Variants in PBX4 observed in about 807,000 individuals in gnomAD.
The protein encoded by PBX4 is PBX homeobox 4, also known as pre-B-cell leukemia transcription factor 4.
Under a neutral mutation model 35.1 loss-of-function variants are expected in PBX4, and 26 were observed. The ratio of observed to expected loss-of-function variants is 0.74; its 90% CI spans 0.54 to 1.03. PBX4 has a LOEUF of 1.03. Ranked by LOEUF, PBX4 falls within the 50% of genes least tolerant of loss-of-function variation. The pLI is 0.00. For missense variants in PBX4, 448 were observed against 504.3 expected, an observed-to-expected ratio of 0.89 and a Z score of 1.07; for synonymous variants, 199 against 204.2, an observed-to-expected ratio of 0.97 and a Z score of 0.22.
intron 6 of PBX4, among the ~76,000 whole-genome samples, chr19:19,564,094 A>G: frequency 6.8e-6 from 1 of 148,038 alleles, no homozygotes; most frequent in African/African-American, 2.5e-5. Context: ...TGCACCCACT[A>G]ACTCGTCATC....
At chr19:19,577,190 A>G (rs1466776823) in intron 2 of PBX4, among the ~76,000 whole-genome samples, 1 of 133,310 alleles carries the variant, frequency 7.5e-6, no homozygotes, top group East Asian at 2.4e-4. Flanking sequence ...GCGAGACTCC[A>G]TGTCAAAAAA....
chr19:19,586,245 T>A (rs2061488200), intron 2 of PBX4, among the ~76,000 whole-genome samples: 1 of 151,772 alleles, frequency 6.6e-6, no homozygotes, highest in Non-Finnish European at 1.5e-5. Flanking sequence ...AAGACCCCCA[T>A]CTATAAAAAG....
chr19:19,569,321 A>G, intron 5 of PBX4, 128 bp downstream of exon 5: 3 of 1,268,060 alleles, frequency 2.4e-6, no homozygotes, highest in South Asian at 3.6e-5. Flanking sequence ...CATCCTCCCA[A>G]AGTGCTGGGA....
At chr19:19,618,453 G>T in intron 1 of PBX4, 58 bp downstream of exon 1, 1 of 1,347,288 alleles carries the variant, frequency 7.4e-7, no homozygotes. Flanking sequence ...CGTCCCCTCA[G>T]CCCGCCAACC....
chr19:19,589,871 C>G (rs2061515906), intron 2 of PBX4, among the ~76,000 whole-genome samples: 3 of 152,224 alleles, frequency 2.0e-5, no homozygotes, highest in South Asian at 4.2e-4. Flanking sequence ...TGCTGGTCTT[C>G]CAGGAAAGGA....
At position 19,562,317 on chromosome 19, in the gene PBX4, C is replaced by T. The variant is rs1361321833; in HGVS notation, c.1033-200G>A. 2.0e-5 allele frequency among the ~76,000 whole-genome samples: 3 copies of T among 152,190 alleles called. No homozygotes were observed. Among genetic ancestry groups the T allele is most frequent in the Non-Finnish European group, 4.4e-5 (3 of 68,024 alleles). On this transcript the variant is annotated intron_variant, in intron 7 of 7. Transcript: ENST00000251203. The surrounding 1 kb of genome is among the most constrained non-coding windows in gnomAD (Gnocchi z 4.8). The stretch of plus-strand genomic sequence containing the variant: ...GCTGGCCTTGCCACCTGACATGGGA[C>T]ATGGACGAGCTTCCCCGGCAGGAAA...
chr19:19,588,463 G>C, intron 2 of PBX4: 2 of 823,658 alleles, frequency 2.4e-6, no homozygotes, highest in Non-Finnish European at 2.0e-6. Flanking sequence ...ATTTTTAGTA[G>C]AGACAGGGTT....
chr19:19,592,119 G>A (rs1338140237), intron 2 of PBX4, among the ~76,000 whole-genome samples: 1 of 152,144 alleles, frequency 6.6e-6, no homozygotes, highest in African/African-American at 2.4e-5. Context: ...CTGACCTCAG[G>A]TGATCCGTCT....
chr19:19,567,852 C>T (rs1248765960), intron 5 of PBX4, among the ~76,000 whole-genome samples: 1 of 151,702 alleles, frequency 6.6e-6, no homozygotes, highest in Non-Finnish European at 1.5e-5. Flanking sequence ...CACACTCCAT[C>T]TCAATCACCT....
Position 19,570,473 on chromosome 19 carries a change from A to G in PBX4, c.441+113T>C, listed in dbSNP as rs2144713209. The G allele has an allele frequency of 2.0e-6, 3 of 1,510,478 alleles. No homozygotes were observed. In the South Asian group the frequency reaches 3.8e-5, roughly 19 times the overall value. The allele number at this position is 1,510,478 out of a possible 1,614,324, so 93.6% of individuals were successfully genotyped here. ...ACAATGGACCACCTCTGCAGCGACC[A>G]ACTGCATGGACTCCCTGTTCTGCGC... On this transcript the variant is annotated intron_variant, in intron 3 of 7. Coordinates refer to ENST00000251203, the MANE Select transcript of PBX4 (RefSeq NM_025245.3).
chr19:19,588,204 A>G, intron 2 of PBX4: 1 of 1,355,032 alleles, frequency 7.4e-7, no homozygotes, highest in South Asian at 1.2e-5. Flanking sequence ...CACTCCTTAC[A>G]ATAATAGGCA....
At chr19:19,585,200 CT>C (rs1383559629) in intron 2 of PBX4, among the ~76,000 whole-genome samples, 9 of 151,946 alleles carry the variant, frequency 5.9e-5, no homozygotes, top group Non-Finnish European at 1.2e-4. Context: ...TAGTGCACAC[CT>C]GTAATTCCAG....
chr19:19,600,798 CAGAG>C (rs1317170050), intron 1 of PBX4, among the ~76,000 whole-genome samples: 1 of 104,404 alleles, frequency 9.6e-6, no homozygotes, highest in African/African-American at 3.9e-5. Context: ...GCCTGGGCAA[CAGAG>C]AGAGACTCCA....
At chr19:19,578,061 A>G (rs1379027824) in intron 2 of PBX4, among the ~76,000 whole-genome samples, 1 of 147,736 alleles carries the variant, frequency 6.8e-6, no homozygotes, top group African/African-American at 2.5e-5. Context: ...GTGATGGCAC[A>G]AGCCTGTAAT....
In PBX4 at chr19:19,565,048, C is replaced by G. The variant is rs926735805; in HGVS notation, c.810G>C (p.Lys270Asn). The G allele has an allele frequency of 6.2e-7, 1 of 1,614,224 alleles. No homozygotes were observed. Among genetic ancestry groups the G allele is most frequent in the Non-Finnish European group, 8.5e-7 (1 of 1,180,044 alleles). ...CCTCTTCTTGAAACTTCCCCATGTT[C>G]TTTTTATACCGGATTCTTTTGTTGC... Reference protein sequence around the residue: ...WFGNKRIRYKKNMGKFQEEAT... With the variant: ...WFGNKRIRYKNNMGKFQEEAT... The change falls in exon 6 of 8, where the codon AAG becomes AAC. Residue 270 changes from lysine (K) to asparagine (N), a missense_variant. Lys to Asn is a moderately conservative substitution (Grantham distance 94, BLOSUM62 0). Coordinates refer to ENST00000251203, the MANE Select transcript of PBX4 (RefSeq NM_025245.3).
At chr19:19,572,030 C>CA (rs546626234) in intron 2 of PBX4, among the ~76,000 whole-genome samples, 1,676 of 59,760 alleles carry the variant, frequency 0.028, 30 homozygotes, top group South Asian at 0.094. Context: ...GACCCCGTCT[C>CA]AAAAAAAAAA....
intron 1 of PBX4, among the ~76,000 whole-genome samples, chr19:19,617,954 C>G (rs1043016166): frequency 6.6e-6 from 1 of 152,064 alleles, no homozygotes; most frequent in Middle Eastern, 3.2e-3. Flanking sequence ...GTGCTTGAAC[C>G]CAGGAGTTTA....
chr19:19,601,056 G>A (rs925045614), intron 1 of PBX4, among the ~76,000 whole-genome samples: 1 of 152,286 alleles, frequency 6.6e-6, no homozygotes, highest in East Asian at 1.9e-4. Context: ...TGGCAGTTAA[G>A]AGGGAGGGAG....
intron 2 of PBX4, among the ~76,000 whole-genome samples, chr19:19,585,249 C>A (rs147482931): frequency 0.015 from 2,266 of 151,724 alleles, 79 homozygotes; most frequent in South Asian, 0.075. Context: ...CTCTTGAACC[C>A]GGGAGGCAGA....
Sources: gnomAD v4.1 joint callset for allele counts (sites outside exome capture counted in the v4.1 genomes callset) on GRCh38, gnomAD v4.1.1 for gene constraint, Gnocchi (gnomAD v3.1) non-coding constraint, MANE v1.5 for transcripts, NCBI Gene and HGNC (gene_info 2026-07-23, HGNC 2026-07-21) for gene names.